NDE1: variants seen among roughly 807,000 people sequenced by gnomAD.
NDE1 encodes the protein nudE neurodevelopment protein 1.
In NDE1, 28 loss-of-function variants were observed where a neutral mutation model predicts 43.4. That is an observed-to-expected ratio of 0.65 (90% confidence interval 0.48 to 0.89). The LOEUF (loss-of-function observed/expected upper bound fraction) is 0.89, where lower values mean the gene tolerates loss of function less well. Ranked by LOEUF, NDE1 falls within the 40% of genes least tolerant of loss-of-function variation. NDE1 has a pLI of 0.00. For missense variants in NDE1, 441 were observed against 434.1 expected (o/e 1.02, Z -0.14); for synonymous variants, 184 against 172.0 (o/e 1.07, Z -0.55).
chr16:15,649,889 T>C (rs1385211715), upstream of NDE1, among the ~76,000 whole-genome samples: 2 of 152,232 alleles, frequency 1.3e-5, no homozygotes, highest in African/African-American at 4.8e-5. Flanking sequence ...AGTGCAAGAA[T>C]GGGAAAATGC....
intron 8 of NDE1, chr16:15,719,177 C>T: frequency 1.3e-6 from 2 of 1,576,822 alleles, no homozygotes; most frequent in Non-Finnish European, 1.7e-6. Flanking sequence ...CCTGTCCCCC[C>T]ATCCTCTGCT....
At chr16:15,699,263 CT>C (rs35193827) in intron 8 of NDE1, among the ~76,000 whole-genome samples, 18,373 of 138,746 alleles carry the variant, frequency 0.13, 2,589 homozygotes, top group African/African-American at 0.37. Flanking sequence ...CATGCCTGGC[CT>C]TTTTTTTTTT....
chr16:15,652,127 T>A (rs992955619), intron 1 of NDE1: 1 of 152,164 alleles, frequency 6.6e-6, no homozygotes, highest in Admixed American at 6.5e-5. Flanking sequence ...CTCAAACTTC[T>A]GACCTCGTGA....
chr16:15,721,458 T>A lies in NDE1; in HGVS notation c.948-2733T>A. 2 of 1,614,212 alleles carry A rather than the reference T, an allele frequency of 1.2e-6. No individual in the cohort carries two copies. Among genetic ancestry groups the A allele is most frequent in the Non-Finnish European group, 1.7e-6 (2 of 1,180,046 alleles). ...CGTCATCCTTGGAGCTGACCAGGTC[T>A]TCCATTTCGGCTTTGAGCATTTTGT... On this transcript the variant is annotated intron_variant, in intron 8 of 8. Transcript: ENST00000396354.
chr16:15,721,175 GC>G, intron 8 of NDE1: 1 of 1,120,612 alleles, frequency 8.9e-7, no homozygotes, highest in Non-Finnish European at 1.3e-6. Context: ...AGGATGCATG[GC>G]CGGGACTCAA....
intron 1 of NDE1, among the ~76,000 whole-genome samples, chr16:15,657,756 C>T (rs1029066554): frequency 9.2e-5 from 14 of 151,930 alleles, no homozygotes; most frequent in East Asian, 1.9e-4. Context: ...CCGCCGTGCC[C>T]GTTTGATTTT....
chr16:15,675,296 T>A (rs959715997), intron 3 of NDE1, among the ~76,000 whole-genome samples: 11 of 151,864 alleles, frequency 7.2e-5, no homozygotes, highest in Admixed American at 1.3e-4. Flanking sequence ...CCTCCCGGGT[T>A]CAAGAGATTG....
intron 8 of NDE1, chr16:15,699,764 C>T: frequency 7.4e-7 from 1 of 1,351,624 alleles, no homozygotes; most frequent in Middle Eastern, 2.1e-4. Flanking sequence ...AAGCCGCCTT[C>T]ACACATGTCT....
At chr16:15,643,435 G>A in exon 1 of NDE1, 2 of 454,764 alleles carry the variant, frequency 4.4e-6, no homozygotes, top group South Asian at 3.2e-5. Context: ...AAGGAACCTT[G>A]AAGCGGAGAA....
intron 8 of NDE1, chr16:15,703,684 G>C (rs1241349835): frequency 2.2e-6 from 1 of 454,562 alleles, no homozygotes; most frequent in African/African-American, 2.0e-5. Context: ...GAAGTCCTGG[G>C]CTGGAGCGTT....
intron 8 of NDE1, among the ~76,000 whole-genome samples, chr16:15,702,303 T>C (rs1397002086): frequency 6.6e-6 from 1 of 152,220 alleles, no homozygotes; most frequent in Non-Finnish European, 1.5e-5. Flanking sequence ...GAATGATTTA[T>C]TATGTTTTTA....
At chr16:15,669,865 A>G (rs2037504604) in intron 3 of NDE1, among the ~76,000 whole-genome samples, 1 of 152,148 alleles carries the variant, frequency 6.6e-6, no homozygotes, top group Non-Finnish European at 1.5e-5. Context: ...CCGCACCTCC[A>G]AGGTGGTGAA....
chr16:15,650,350 C>T, intron 1 of NDE1, 56 bp downstream of exon 1: 2 of 224,586 alleles, frequency 8.9e-6, no homozygotes, highest in Non-Finnish European at 1.9e-5. Flanking sequence ...GGACCTCCAC[C>T]GCGGCTGAAA....
At chr16:15,681,093 G>GT (rs367826921) in intron 4 of NDE1, among the ~76,000 whole-genome samples, 36 of 138,240 alleles carry the variant, frequency 2.6e-4, no homozygotes, top group Middle Eastern at 3.8e-3. Flanking sequence ...TGTGTTTTGT[G>GT]TTTTTTTTGC....
chr16:15,667,808 T>C (rs1391255482), intron 3 of NDE1, among the ~76,000 whole-genome samples: 1 of 151,834 alleles, frequency 6.6e-6, no homozygotes, highest in Admixed American at 6.6e-5. Flanking sequence ...ATTTTTTTTG[T>C]ATTTGTAGTA....
At chr16:15,687,652 C>A in intron 5 of NDE1, 141 bp downstream of exon 5, 1 of 843,008 alleles carries the variant, frequency 1.2e-6, no homozygotes, top group Non-Finnish European at 2.0e-6. Context: ...CAGAGGGTGT[C>A]GGACTGCACT....
At chr16:15,721,201 G>A in intron 8 of NDE1, 5 of 985,038 alleles carry the variant, frequency 5.1e-6, no homozygotes, top group Non-Finnish European at 7.7e-6. Context: ...ACCCCTGAGA[G>A]TTCAGACCCC....
At chr16:15,722,395 G>T (rs117080187) in intron 8 of NDE1, among the ~76,000 whole-genome samples, 1 of 152,152 alleles carries the variant, frequency 6.6e-6, no homozygotes, top group African/African-American at 2.4e-5. Context: ...CCATGCTCAC[G>T]TTAATCTCAT....
chr16:15,667,742 C>T (rs1301089554), intron 3 of NDE1, among the ~76,000 whole-genome samples: 1 of 150,086 alleles, frequency 6.7e-6, no homozygotes, highest in East Asian at 2.0e-4. Flanking sequence ...AGTAATTCTC[C>T]TGCCTCAGCC....
Sources: gnomAD v4.1 joint callset for allele counts (sites outside exome capture counted in the v4.1 genomes callset) on GRCh38, gnomAD v4.1.1 for gene constraint, MANE v1.5 for transcripts, NCBI Gene and HGNC (gene_info 2026-07-23, HGNC 2026-07-21) for gene names.